Variants in GPC6 observed in about 807,000 individuals in gnomAD.
GPC6 encodes the protein glypican 6.
In GPC6, 14 loss-of-function variants were observed where a neutral mutation model predicts 55.2. That is an observed-to-expected ratio of 0.25 (90% CI 0.17 to 0.40). The LOEUF (loss-of-function observed/expected upper bound fraction) is 0.40, where lower values mean the gene tolerates loss of function less well. GPC6 is among the 10% of genes least tolerant of loss of function. The pLI, the probability that GPC6 is intolerant of heterozygous loss-of-function variation, is 1.00. For synonymous variants in GPC6, 278 were observed against 259.6 expected (o/e 1.07, Z -0.68); for missense variants, 641 against 708.5 (o/e 0.90, Z 1.08).
At chr13:94,298,801 T>A (rs1010875054) in intron 5 of GPC6, among the ~76,000 whole-genome samples, 4 of 152,242 alleles carry the variant, frequency 2.6e-5, no homozygotes, top group African/African-American at 9.6e-5. Flanking sequence ...CATGATTCAT[T>A]CCTTCAGTCT....
chr13:93,439,837 C>A (rs1333445858), intron 1 of GPC6, among the ~76,000 whole-genome samples: 3 of 152,022 alleles, frequency 2.0e-5, no homozygotes, highest in Non-Finnish European at 2.9e-5. Context: ...CTTGTTTGTA[C>A]CTTCTTGTCA....
chr13:93,826,940 A>G (rs911291022), intron 2 of GPC6, among the ~76,000 whole-genome samples: 1 of 152,102 alleles, frequency 6.6e-6, no homozygotes, highest in South Asian at 2.1e-4. Context: ...CCTGAAGCAA[A>G]CAGATGTTTG....
chr13:93,985,161 G>T (rs924901426), intron 3 of GPC6, among the ~76,000 whole-genome samples: 1 of 152,094 alleles, frequency 6.6e-6, no homozygotes, highest in African/African-American at 2.4e-5. Context: ...AGGGCCAGGC[G>T]CAGGGGCTCA....
At chr13:93,625,476 T>A (rs1165995453) in intron 2 of GPC6, among the ~76,000 whole-genome samples, 6 of 152,196 alleles carry the variant, frequency 3.9e-5, no homozygotes, top group Non-Finnish European at 8.8e-5. Flanking sequence ...ATTCCCAGTA[T>A]CCAAATGATC....
intron 3 of GPC6, among the ~76,000 whole-genome samples, chr13:93,961,436 T>C (rs1879769986): frequency 6.6e-6 from 1 of 152,210 alleles, no homozygotes; most frequent in Non-Finnish European, 1.5e-5. Flanking sequence ...AAAATCAGTA[T>C]TTCCACCTTC....
chr13:93,716,201 A>G (rs923400593), intron 2 of GPC6, among the ~76,000 whole-genome samples: 1 of 151,690 alleles, frequency 6.6e-6, no homozygotes, highest in Non-Finnish European at 1.5e-5. Context: ...CTATGTCACT[A>G]ATTTATGCAT....
At position 94,157,797 on chromosome 13, in the gene GPC6, C is replaced by G. The variant is rs1888007060; in HGVS notation, c.878-128552C>G. Among the ~76,000 whole-genome samples, 6 of 152,204 alleles carry G rather than the reference C, an allele frequency of 3.9e-5. No homozygotes were observed. The South Asian group carries it at 1.2e-3, about 32-fold the overall frequency. ...CAGGAAGACAGTAGGCAGTAGGTAT[C>G]ACGTCAGCCATGTGAGACATAAGTG... On this transcript the variant is annotated intron_variant, in intron 4 of 8. Coordinates refer to ENST00000377047, the MANE Select transcript of GPC6 (RefSeq NM_005708.5).
chr13:93,521,652 A>C (rs1011139471), intron 1 of GPC6, among the ~76,000 whole-genome samples: 1 of 151,988 alleles, frequency 6.6e-6, no homozygotes, highest in Non-Finnish European at 1.5e-5. Flanking sequence ...AAATGCTAAC[A>C]GGTTGTGACA....
At chr13:93,771,441 T>C (rs1885290589) in intron 2 of GPC6, among the ~76,000 whole-genome samples, 1 of 152,168 alleles carries the variant, frequency 6.6e-6, no homozygotes, top group African/African-American at 2.4e-5. Context: ...ATCTCATTTG[T>C]CTCACACGTG....
At chr13:93,507,056 C>A (rs1348441617) in intron 1 of GPC6, among the ~76,000 whole-genome samples, 1 of 91,578 alleles carries the variant, frequency 1.1e-5, no homozygotes, top group Non-Finnish European at 2.0e-5. Context: ...AGCGAGACTC[C>A]GTCTCAAAAA....
intron 2 of GPC6, among the ~76,000 whole-genome samples, chr13:93,574,299 G>A (rs1876553989): frequency 6.6e-6 from 1 of 152,114 alleles, no homozygotes; most frequent in African/African-American, 2.4e-5. Context: ...AGCTTTATAA[G>A]AAAAGATAGA....
intron 6 of GPC6, among the ~76,000 whole-genome samples, chr13:94,340,011 C>T (rs924055853): frequency 6.6e-6 from 1 of 152,096 alleles, no homozygotes; most frequent in African/African-American, 2.4e-5. Flanking sequence ...GATCCACCCG[C>T]CTCACCCTCC....
At chr13:94,201,879 G>A (rs1889761544) in intron 4 of GPC6, among the ~76,000 whole-genome samples, 1 of 152,128 alleles carries the variant, frequency 6.6e-6, no homozygotes, top group Non-Finnish European at 1.5e-5. Context: ...AACCTGGGAG[G>A]TGGAGGTTGC....
At chr13:93,822,654 T>G (rs903027832) in intron 2 of GPC6, among the ~76,000 whole-genome samples, 12 of 149,878 alleles carry the variant, frequency 8.0e-5, no homozygotes, top group African/African-American at 2.9e-4. Flanking sequence ...TGTCCATGTG[T>G]TCTCATTGTA....
chr13:93,599,286 T>TAA (rs66801721), intron 2 of GPC6, among the ~76,000 whole-genome samples: 26 of 139,422 alleles, frequency 1.9e-4, no homozygotes, highest in East Asian at 6.3e-4. Context: ...CAAATATTGG[T>TAA]AAAAAAAAAA....
chr13:93,932,620 C>T (rs915105442), intron 3 of GPC6, among the ~76,000 whole-genome samples: 1 of 151,974 alleles, frequency 6.6e-6, no homozygotes, highest in African/African-American at 2.4e-5. Context: ...ATAAATGAAA[C>T]ATCTCATGGT....
At chr13:93,462,001 C>T (rs1339268443) in intron 1 of GPC6, among the ~76,000 whole-genome samples, 1 of 152,072 alleles carries the variant, frequency 6.6e-6, no homozygotes, top group Non-Finnish European at 1.5e-5. Context: ...TCTCATCCAA[C>T]CCACAAGCCA....
At chr13:93,641,758 AT>A (rs1474819760) in intron 2 of GPC6, among the ~76,000 whole-genome samples, 1 of 152,090 alleles carries the variant, frequency 6.6e-6, no homozygotes, top group Non-Finnish European at 1.5e-5. Context: ...CATTCTTTGC[AT>A]TTTATAAAGG....
intron 3 of GPC6, among the ~76,000 whole-genome samples, chr13:93,951,082 C>T (rs577870265): frequency 6.6e-6 from 1 of 152,218 alleles, no homozygotes; most frequent in Non-Finnish European, 1.5e-5. Context: ...ATACAAGATA[C>T]AGTCAAGTAA....
Sources: allele counts gnomAD v4.1 joint callset (sites outside exome capture counted in the v4.1 genomes callset), GRCh38; gene constraint gnomAD v4.1.1; transcripts MANE v1.5; gene names NCBI Gene and HGNC (gene_info 2026-07-23, HGNC 2026-07-21).